GSE1: variants seen among roughly 807,000 people sequenced by gnomAD.
The protein encoded by GSE1 is Gse1 coiled-coil protein.
In GSE1, 32 loss-of-function variants were observed where a neutral mutation model predicts 112.6. The ratio of observed to expected loss-of-function variants is 0.28; its 90% CI spans 0.21 to 0.38. The LOEUF (loss-of-function observed/expected upper bound fraction) is 0.38. GSE1 is among the 10% of genes least tolerant of loss of function. GSE1 has a pLI of 1.00. For missense variants in GSE1, 2,348 were observed against 1,699.2 expected (o/e 1.38, Z -6.71); for synonymous variants, 1,115 against 735.6 (o/e 1.52, Z -8.35).
intron 1 of GSE1, among the ~76,000 whole-genome samples, chr16:85,328,735 C>A (rs1273223315): frequency 6.6e-6 from 1 of 152,192 alleles, no homozygotes; most frequent in Non-Finnish European, 1.5e-5. Flanking sequence ...ATGTCCGTGC[C>A]CCTGCCGGGT....
intron 1 of GSE1, among the ~76,000 whole-genome samples, chr16:85,563,683 A>C (rs921452049): frequency 6.6e-6 from 1 of 152,218 alleles, no homozygotes; most frequent in African/African-American, 2.4e-5. Context: ...CCCTCTGACC[A>C]GGCCTGGACC....
intron 2 of GSE1, among the ~76,000 whole-genome samples, chr16:85,513,850 G>A (rs574942217): frequency 6.6e-6 from 1 of 152,072 alleles, no homozygotes; most frequent in Non-Finnish European, 1.5e-5. Context: ...GAATCCCCCC[G>A]GGGCAGGGCA....
chr16:85,170,579 T>C, exon 1 of GSE1: 1 of 985,486 alleles, frequency 1.0e-6, no homozygotes, highest in Non-Finnish European at 1.2e-6. Flanking sequence ...AGTGGCCGTG[T>C]CCCCCGGGCT....
intron 1 of GSE1, among the ~76,000 whole-genome samples, chr16:85,351,456 G>A (rs968455578): frequency 5.3e-5 from 8 of 152,094 alleles, no homozygotes; most frequent in African/African-American, 1.2e-4. Flanking sequence ...TGTATGAAAC[G>A]TCTAGAAGAG....
chr16:85,509,400 G>C (rs1177742165), intron 2 of GSE1, among the ~76,000 whole-genome samples: 1 of 152,184 alleles, frequency 6.6e-6, no homozygotes, highest in Non-Finnish European at 1.5e-5. Context: ...CTGGTGTCCT[G>C]TTCATCTCAG....
At chr16:85,346,629 T>TG (rs1253478599) in intron 1 of GSE1, among the ~76,000 whole-genome samples, 6 of 138,954 alleles carry the variant, frequency 4.3e-5, no homozygotes, top group Non-Finnish European at 9.5e-5. Flanking sequence ...GATGGATGGA[T>TG]GATGGACAGG....
chr16:85,234,667 G>T (rs888863212), intron 1 of GSE1, among the ~76,000 whole-genome samples: 1 of 152,210 alleles, frequency 6.6e-6, no homozygotes, highest in African/African-American at 2.4e-5. Flanking sequence ...CAGGAGGGCA[G>T]ATCTCAAAGC....
chr16:85,613,342 G>A lies in GSE1; in HGVS notation c.-50G>A. 1.9e-6 allele frequency: 3 copies of A among 1,562,290 alleles called. No individual in the cohort carries two copies. The highest frequency in any genetic ancestry group is 1.9e-5 in the Admixed American group (1 of 52,986). The stretch of plus-strand genomic sequence containing the variant: ...TAAGCAGTTTAGACAAACACTGGGC[G>A]ACGGTGGCTCCAGCATGTATCAGCC... On this transcript the variant is annotated 5_prime_UTR_variant, in exon 1 of 16. Transcript: ENST00000253458.
chr16:85,542,195 G>C (rs1358663681), intron 2 of GSE1, among the ~76,000 whole-genome samples: 1 of 152,212 alleles, frequency 6.6e-6, no homozygotes, highest in Non-Finnish European at 1.5e-5. Context: ...ATGCGGGGAG[G>C]GTGTGAACCC....
chr16:85,447,409 A>G (rs1038689498), intron 2 of GSE1, among the ~76,000 whole-genome samples: 8 of 152,224 alleles, frequency 5.3e-5, no homozygotes, highest in African/African-American at 1.7e-4. Flanking sequence ...CCTTGGGCAG[A>G]TGACCTCTCT....
At chr16:85,584,594 C>T (rs571112886) in intron 1 of GSE1, among the ~76,000 whole-genome samples, 52 of 151,834 alleles carry the variant, frequency 3.4e-4, no homozygotes, top group African/African-American at 7.0e-4. Flanking sequence ...TCCCTCTCCC[C>T]GCACGCGTTC....
intron 2 of GSE1, among the ~76,000 whole-genome samples, chr16:85,438,829 C>T (rs1417745486): frequency 6.6e-6 from 1 of 152,200 alleles, no homozygotes; most frequent in Non-Finnish European, 1.5e-5. Context: ...CTGGGACCAG[C>T]CCTCAGGTCT....
At chr16:85,365,782 C>T (rs1438906320) in intron 2 of GSE1, among the ~76,000 whole-genome samples, 6 of 152,208 alleles carry the variant, frequency 3.9e-5, no homozygotes, top group Admixed American at 6.5e-5. Context: ...ATCAGTTATT[C>T]GTTGGGAATG....
chr16:85,293,351 G>A lies in GSE1; in HGVS notation c.2284-64112G>A, dbSNP rs145434175. Reference sequence around the variant, plus strand: ...ACTTGAACTCAGGAGTTTGAGACCAGCCTGGTCAACATGGTGAAACCCTGT... The same window carrying A: ...ACTTGAACTCAGGAGTTTGAGACCAACCTGGTCAACATGGTGAAACCCTGT... On this transcript the variant is annotated intron_variant, in intron 1 of 2. Coordinates refer to the GSE1 transcript ENST00000637419. Among the ~76,000 whole-genome samples the A allele has an allele frequency of 4.4e-3, 675 of 152,198 alleles. 3 individuals carry two copies. Among genetic ancestry groups the A allele is most frequent in the African/African-American group, 0.015 (635 of 41,528 alleles).
intron 9 of GSE1, 51 bp from the exon 10 acceptor site, chr16:85,662,930 T>C (rs757073390): frequency 1.2e-5 from 16 of 1,293,498 alleles, no homozygotes; most frequent in African/African-American, 1.2e-4. Context: ...GCATGTCCAC[T>C]GGACAGATGA....
chr16:85,273,448 C>A (rs1443543199), intron 1 of GSE1, among the ~76,000 whole-genome samples: 1 of 152,226 alleles, frequency 6.6e-6, no homozygotes, highest in Non-Finnish European at 1.5e-5. Context: ...TGTGGCCTCT[C>A]CATGCCGTGG....
chr16:85,477,155 G>A (rs376948408), intron 2 of GSE1, among the ~76,000 whole-genome samples: 4 of 151,930 alleles, frequency 2.6e-5, no homozygotes, highest in African/African-American at 9.7e-5. Flanking sequence ...CGGGTGATCC[G>A]CCTGCCTTGG....
At chr16:85,297,381 A>G (rs1411832128) in intron 1 of GSE1, among the ~76,000 whole-genome samples, 2 of 152,258 alleles carry the variant, frequency 1.3e-5, no homozygotes, top group Admixed American at 1.3e-4. Context: ...GAAGCAAAGC[A>G]TCTGTAAATC....
intron 1 of GSE1, among the ~76,000 whole-genome samples, chr16:85,632,248 A>G (rs756158528): frequency 5.9e-5 from 9 of 152,188 alleles, no homozygotes; most frequent in African/African-American, 2.2e-4. Context: ...GTTGCCTGCC[A>G]TGGGCATGGG....
Sources: gnomAD v4.1 joint callset for allele counts (sites outside exome capture counted in the v4.1 genomes callset) on GRCh38, gnomAD v4.1.1 for gene constraint, MANE v1.5 for transcripts, NCBI Gene and HGNC (gene_info 2026-07-23, HGNC 2026-07-21) for gene names.